Variants in SCAI observed in about 807,000 individuals in gnomAD.
SCAI encodes the protein protein SCAI.
In SCAI, 24 loss-of-function variants were observed where a neutral mutation model predicts 92.2. That is an observed-to-expected ratio of 0.26 (90% CI 0.19 to 0.37). SCAI has a LOEUF of 0.37. SCAI is among the 10% of genes least tolerant of loss of function. The probability of loss-of-function intolerance (pLI) is 1.00; values close to 1 mark genes in which losing one functional copy is unlikely to be tolerated. For missense variants in SCAI, 450 were observed against 736.2 expected (o/e 0.61, Z 4.50); for synonymous variants, 261 against 258.6 (o/e 1.01, Z -0.09).
At chr9:125,049,958 CACTT>C (rs1365842211) in intron 3 of SCAI, among the ~76,000 whole-genome samples, 1 of 152,062 alleles carries the variant, frequency 6.6e-6, no homozygotes, top group Non-Finnish European at 1.5e-5. Context: ...CTTAAAAACA[CACTT>C]ACAGCATGTG....
chr9:124,986,343 T>C (rs1831989962), intron 14 of SCAI, among the ~76,000 whole-genome samples: 2 of 152,156 alleles, frequency 1.3e-5, no homozygotes, highest in Non-Finnish European at 2.9e-5. Flanking sequence ...AAGAATGACA[T>C]ATAATTTATC....
rs548569939 is a variant in SCAI at position 125,034,257 on chromosome 9, TCAGTTGGAG to T, written c.231-4527_231-4519del. On this transcript the variant is annotated intron_variant, in intron 3 of 17. Coordinates refer to ENST00000336505, the MANE Select transcript of SCAI (RefSeq NM_001144877.3). ...AGCTGGAAGACAGAGGGCAAAGATA[TCAGTTGGAG>T]CAGCCTATAAATGTTAGTCTCCCAG... Among the ~76,000 whole-genome samples, 13 of 152,178 alleles carry T rather than the reference TCAGTTGGAG, an allele frequency of 8.5e-5. No homozygotes were observed. The East Asian group carries it at 2.5e-3, about 29-fold the overall frequency.
intron 9 of SCAI, among the ~76,000 whole-genome samples, chr9:125,017,761 C>T (rs1276665119): frequency 6.6e-6 from 1 of 152,114 alleles, no homozygotes; most frequent in Non-Finnish European, 1.5e-5. Context: ...GTAATCCCAA[C>T]ACTTTGGGAG....
At chr9:125,064,550 C>T (rs907681418) in intron 2 of SCAI, among the ~76,000 whole-genome samples, 7 of 151,900 alleles carry the variant, frequency 4.6e-5, no homozygotes, top group African/African-American at 7.3e-5. Flanking sequence ...CAAAATATTA[C>T]TAAAAAAATT....
intron 2 of SCAI, among the ~76,000 whole-genome samples, chr9:125,067,323 A>AAGATGAC (rs1833893065): frequency 6.6e-6 from 1 of 152,214 alleles, no homozygotes; most frequent in Non-Finnish European, 1.5e-5. Flanking sequence ...GGCCTAAGTT[A>AAGATGAC]AGATGACGTC....
At chr9:124,969,103 T>C (rs1831601209) in intron 17 of SCAI, among the ~76,000 whole-genome samples, 1 of 152,088 alleles carries the variant, frequency 6.6e-6, no homozygotes, top group South Asian at 2.1e-4. Flanking sequence ...TCACTACTCC[T>C]GGCTAATTTT....
At chr9:125,119,049 T>C (rs1835106813) in intron 2 of SCAI, among the ~76,000 whole-genome samples, 2 of 152,186 alleles carry the variant, frequency 1.3e-5, no homozygotes, top group Admixed American at 6.5e-5. Flanking sequence ...CACACACCTG[T>C]AATCCCAGCA....
At chr9:125,000,361 G>A (rs1195022481) in intron 12 of SCAI, among the ~76,000 whole-genome samples, 1 of 152,062 alleles carries the variant, frequency 6.6e-6, no homozygotes, top group East Asian at 1.9e-4. Context: ...TATTTTAAAA[G>A]GAAGTTGGTC....
chr9:125,015,622 C>A (rs567994352), intron 9 of SCAI, among the ~76,000 whole-genome samples: 2 of 152,184 alleles, frequency 1.3e-5, no homozygotes, highest in South Asian at 2.1e-4. Context: ...GTCAGTGTGG[C>A]GATTCCTCAG....
intron 2 of SCAI, among the ~76,000 whole-genome samples, chr9:125,112,813 G>A (rs1310766741): frequency 3.9e-5 from 6 of 152,090 alleles, no homozygotes; most frequent in Non-Finnish European, 7.4e-5. Context: ...AGAAAGGGAA[G>A]GAAATACTTA....
intron 14 of SCAI, among the ~76,000 whole-genome samples, chr9:124,991,630 A>T (rs1380191012): frequency 6.6e-6 from 1 of 151,942 alleles, no homozygotes; most frequent in Non-Finnish European, 1.5e-5. Context: ...CGAGGTCAGG[A>T]GTTCAAGACC....
intron 2 of SCAI, among the ~76,000 whole-genome samples, chr9:125,079,806 TA>T (rs763632012): frequency 1.3e-5 from 2 of 152,024 alleles, no homozygotes; most frequent in Admixed American, 6.6e-5. Context: ...GAGAAGGCTG[TA>T]AGAAATAAAG....
At chr9:124,963,240 G>A (rs1831476404) in intron 17 of SCAI, among the ~76,000 whole-genome samples, 1 of 151,534 alleles carries the variant, frequency 6.6e-6, no homozygotes, top group Admixed American at 6.6e-5. Context: ...AGGTTCAAGC[G>A]ATTCTCCTGT....
intron 3 of SCAI, among the ~76,000 whole-genome samples, chr9:125,032,195 A>ATATATATATATTTTTTTT (rs1177865840): frequency 1.0e-5 from 1 of 99,476 alleles, no homozygotes; most frequent in African/African-American, 4.8e-5. Flanking sequence ...ATATATATAT[A>ATATATATATATTTTTTTT]TTTTTTTTTT....
At chr9:125,069,969 T>C (rs952868239) in intron 2 of SCAI, among the ~76,000 whole-genome samples, 1 of 152,144 alleles carries the variant, frequency 6.6e-6, no homozygotes, top group African/African-American at 2.4e-5. Context: ...AATGGCTGTA[T>C]AATTAAGCAT....
At chr9:125,130,087 C>T (rs997123217) in intron 2 of SCAI, among the ~76,000 whole-genome samples, 6 of 149,952 alleles carry the variant, frequency 4.0e-5, no homozygotes, top group East Asian at 2.0e-4. Context: ...TTAGTAGAGA[C>T]GGGGTTTTGC....
intron 2 of SCAI, among the ~76,000 whole-genome samples, chr9:125,099,902 A>G (rs1250923885): frequency 6.6e-6 from 1 of 152,214 alleles, no homozygotes; most frequent in Non-Finnish European, 1.5e-5. Context: ...ATCCCATTGT[A>G]TGGATATAAC....
rs1334738577 is a variant in SCAI at position 124,950,504 on chromosome 9, G to T, written c.*2303C>A. ...ATTAGAGGACAGGAAACTCTGTGTT[G>T]GTAGGAGCATAACTGGCACAGGACT... On this transcript the variant is annotated 3_prime_UTR_variant, in exon 18 of 18. Coordinates refer to ENST00000336505, the MANE Select transcript of SCAI (RefSeq NM_001144877.3). 6.6e-6 allele frequency: 1 copy of T among 152,050 alleles called. No homozygotes were observed. The highest frequency in any genetic ancestry group is 1.5e-5 in the Non-Finnish European group (1 of 68,036). 9.4% of individuals were successfully genotyped at this position (152,050 alleles called of 1,614,324 possible). A position where few individuals can be genotyped will look rare whatever the true frequency, so the allele number is the denominator to read the frequency against.
chr9:125,022,824 C>T lies in SCAI; in HGVS notation c.513-2055G>A, dbSNP rs546953885. Among the ~76,000 whole-genome samples, 59 of 152,160 alleles carry T rather than the reference C, an allele frequency of 3.9e-4. 1 individual carries two copies. The highest frequency in any genetic ancestry group is 3.7e-3 in the South Asian group (18 of 4,818). ...TAGATCATTTTTACTTACCATGATT[C>T]GGATTTGTTTCTATTTTATTATTTT... On this transcript the variant is annotated intron_variant, in intron 6 of 17. Coordinates refer to ENST00000336505, the MANE Select transcript of SCAI (RefSeq NM_001144877.3).
Sources: gnomAD v4.1 joint callset for allele counts (sites outside exome capture counted in the v4.1 genomes callset) on GRCh38, gnomAD v4.1.1 for gene constraint, MANE v1.5 for transcripts, NCBI Gene and HGNC (gene_info 2026-07-23, HGNC 2026-07-21) for gene names.